Variants in UVRAG observed in about 807,000 individuals in gnomAD.
The protein encoded by UVRAG is UV radiation resistance associated.
In UVRAG, 19 loss-of-function variants were observed where a neutral mutation model predicts 78.0. The ratio of observed to expected loss-of-function variants is 0.24; its 90% CI spans 0.17 to 0.36. UVRAG has a LOEUF of 0.36. Ranked by LOEUF, UVRAG falls within the 10% of genes least tolerant of loss-of-function variation. The pLI, the probability that UVRAG is intolerant of heterozygous loss-of-function variation, is 1.00. For synonymous variants in UVRAG, 323 were observed against 324.6 expected, an observed-to-expected ratio of 1.00 and a Z score of 0.05; for missense variants, 740 against 853.8, an observed-to-expected ratio of 0.87 and a Z score of 1.66.
intron 1 of UVRAG, among the ~76,000 whole-genome samples, chr11:75,824,669 AT>A (rs1217028567): frequency 0.013 from 1,500 of 118,630 alleles, 8 homozygotes; most frequent in African/African-American, 0.032. Flanking sequence ...GAAGTTTGTC[AT>A]TTTTTTTTTT....
At chr11:75,825,058 T>C (rs942263323) in intron 1 of UVRAG, among the ~76,000 whole-genome samples, 2 of 152,096 alleles carry the variant, frequency 1.3e-5, no homozygotes, top group Non-Finnish European at 2.9e-5. Flanking sequence ...ATGAGAGAGG[T>C]TGAAACATTT....
chr11:75,956,836 A>C (rs1948808441), intron 6 of UVRAG, among the ~76,000 whole-genome samples: 2 of 151,986 alleles, frequency 1.3e-5, no homozygotes. Flanking sequence ...GATGACTAAG[A>C]CTTTGAGTGA....
At chr11:76,118,599 A>G (rs1409024095) in intron 14 of UVRAG, among the ~76,000 whole-genome samples, 1 of 152,142 alleles carries the variant, frequency 6.6e-6, no homozygotes, top group Non-Finnish European at 1.5e-5. Flanking sequence ...TGTATTTTGA[A>G]TTTTACCATG....
At chr11:75,932,395 C>T (rs1471685268) in intron 6 of UVRAG, among the ~76,000 whole-genome samples, 1 of 151,988 alleles carries the variant, frequency 6.6e-6, no homozygotes, top group Non-Finnish European at 1.5e-5. Flanking sequence ...AGTGATTCTC[C>T]TGCCTCAGCC....
chr11:76,141,179 A>C lies in UVRAG; in HGVS notation c.1866A>C (p.Glu622Asp). The C allele has an allele frequency of 6.2e-7, 1 of 1,614,134 alleles. No homozygotes were observed. The highest frequency in any genetic ancestry group is 1.1e-5 in the South Asian group (1 of 91,080). ...QLPGEFHPVS[E>D]AELCCTVEQA... ...CAGGCGAGTTCCACCCAGTCTCAGAAGCTGAGCTCTGCTGTACTGTGGAGC... is the reference window on the plus strand; with the variant it reads ...CAGGCGAGTTCCACCCAGTCTCAGACGCTGAGCTCTGCTGTACTGTGGAGC... Residue 622 changes from glutamate (E) to aspartate (D), a missense_variant, in exon 15 of 15, where the codon GAA becomes GAC. Coordinates refer to ENST00000356136, the MANE Select transcript of UVRAG (RefSeq NM_003369.4).
rs1952763925 is a variant in UVRAG at position 76,143,877 on chromosome 11, ACTAT to A, written c.*2469_*2472del. Among the ~76,000 whole-genome samples, 1 of 152,250 alleles carries A rather than the reference ACTAT, an allele frequency of 6.6e-6. No homozygotes were observed. Among genetic ancestry groups the A allele is most frequent in the Non-Finnish European group, 1.5e-5 (1 of 68,042 alleles). ...ATATAAGTTGAATTGGAAACTCATT[ACTAT>A]CTATTTCTGAACTGCTAAGAACCCT... is the stretch of plus-strand genomic sequence containing the variant. On this transcript the variant is annotated 3_prime_UTR_variant, in exon 15 of 15. Coordinates refer to ENST00000356136, the MANE Select transcript of UVRAG (RefSeq NM_003369.4).
In UVRAG at chr11:75,982,442, T is replaced by C. The variant is rs561459682; in HGVS notation, c.700-945T>C. Among the ~76,000 whole-genome samples, 8 of 145,260 alleles carry C rather than the reference T, an allele frequency of 5.5e-5. No homozygotes were observed. In the South Asian group the frequency reaches 1.0e-3, roughly 19 times the overall value. On this transcript the variant is annotated intron_variant, in intron 7 of 14. Coordinates refer to ENST00000356136, the MANE Select transcript of UVRAG (RefSeq NM_003369.4). ...ATCACAGAAAGGAGGGTGGCCTCAT[T>C]AGCACTGGGTAGAGTGAAAGTGACT...
At chr11:76,003,257 A>ATTTTTTTTTTT (rs398045280) in intron 8 of UVRAG, among the ~76,000 whole-genome samples, 7 of 53,786 alleles carry the variant, frequency 1.3e-4, no homozygotes, top group African/African-American at 5.4e-4. Flanking sequence ...GAAAATACTG[A>ATTTTTTTTTTT]TTTTTTTTTT....
intron 6 of UVRAG, among the ~76,000 whole-genome samples, chr11:75,921,128 G>A (rs1235334670): frequency 2.6e-5 from 4 of 152,166 alleles, no homozygotes; most frequent in African/African-American, 9.7e-5. Flanking sequence ...CAAAGGGTAT[G>A]TATTGTTTCA....
At chr11:75,992,044 T>G (rs1949617880) in intron 8 of UVRAG, among the ~76,000 whole-genome samples, 1 of 152,166 alleles carries the variant, frequency 6.6e-6, no homozygotes, top group South Asian at 2.1e-4. Context: ...ACTATTATTA[T>G]CCTTCTAATA....
At chr11:75,882,312 G>A (rs1946966116) in intron 4 of UVRAG, among the ~76,000 whole-genome samples, 1 of 152,044 alleles carries the variant, frequency 6.6e-6, no homozygotes, top group Non-Finnish European at 1.5e-5. Context: ...CCAGGAGTTT[G>A]ATACCAGCCT....
chr11:75,984,637 T>G (rs1462998458), intron 8 of UVRAG, among the ~76,000 whole-genome samples: 2 of 152,102 alleles, frequency 1.3e-5, no homozygotes, highest in African/African-American at 4.8e-5. Flanking sequence ...CCCCAAAGCC[T>G]CCTCACGCTT....
chr11:76,135,977 G>A (rs1012864304), intron 14 of UVRAG, among the ~76,000 whole-genome samples: 11 of 152,296 alleles, frequency 7.2e-5, no homozygotes, highest in Admixed American at 1.3e-4. Context: ...TGCATATGAT[G>A]AGTAAATTGT....
At chr11:76,082,767 T>C (rs1348578039) in intron 13 of UVRAG, among the ~76,000 whole-genome samples, 1 of 151,992 alleles carries the variant, frequency 6.6e-6, no homozygotes, top group Non-Finnish European at 1.5e-5. Context: ...TGGTGGCTCA[T>C]GCTTGTAATC....
rs571907628 is a variant in UVRAG, at chr11:75,999,277, G to C, written c.827-4728G>C. 6.0e-5 allele frequency among the ~76,000 whole-genome samples: 9 copies of C among 150,684 alleles called. No individual in the cohort carries two copies. The South Asian group carries it at 1.7e-3, about 28-fold the overall frequency. On this transcript the variant is annotated intron_variant, in intron 8 of 14. Transcript: ENST00000356136. Reference sequence around the variant, plus strand: ...GTCAACTTTCTAAGGCAAAAATAATGGTGTTTGTGGGCTTATAGCATACAT... The same window carrying C: ...GTCAACTTTCTAAGGCAAAAATAATCGTGTTTGTGGGCTTATAGCATACAT...
At chr11:76,052,029 A>G (rs2088984480) in intron 12 of UVRAG, among the ~76,000 whole-genome samples, 1 of 152,116 alleles carries the variant, frequency 6.6e-6, no homozygotes. Flanking sequence ...TTGAAGCAGC[A>G]TGTCTCCTCC....
intron 6 of UVRAG, among the ~76,000 whole-genome samples, chr11:75,940,508 A>G (rs1948464022): frequency 6.6e-6 from 1 of 152,182 alleles, no homozygotes; most frequent in South Asian, 2.1e-4. Flanking sequence ...AATGATTCCT[A>G]AAATACCAAG....
At chr11:75,902,961 T>C (rs1947538422) in intron 5 of UVRAG, among the ~76,000 whole-genome samples, 1 of 152,224 alleles carries the variant, frequency 6.6e-6, no homozygotes, top group Admixed American at 6.5e-5. Flanking sequence ...AAATTCTTAT[T>C]GTCTGCTAGA....
At chr11:76,031,928 A>C (rs539248401) in intron 12 of UVRAG, among the ~76,000 whole-genome samples, 5 of 152,332 alleles carry the variant, frequency 3.3e-5, no homozygotes, top group African/African-American at 1.2e-4. Flanking sequence ...TCTGATATGA[A>C]GTAATCATTG....
Sources: allele counts gnomAD v4.1 joint callset (sites outside exome capture counted in the v4.1 genomes callset), GRCh38; gene constraint gnomAD v4.1.1; transcripts MANE v1.5; gene names NCBI Gene and HGNC (gene_info 2026-07-23, HGNC 2026-07-21).